The following NCAPH2 variants were observed in gnomAD, a reference collection of about 807,000 sequenced individuals.
NCAPH2 encodes non-SMC condensin II complex subunit H2.
NCAPH2 carries 56 observed loss-of-function variants against 88.6 expected under a neutral mutation model. The ratio of observed to expected loss-of-function variants is 0.63; its 90% CI spans 0.51 to 0.79. NCAPH2 has a LOEUF of 0.79. Ranked by LOEUF, NCAPH2 falls within the 30% of genes least tolerant of loss-of-function variation. The pLI is 0.00. For missense variants in NCAPH2, 794 were observed against 792.0 expected, an observed-to-expected ratio of 1.00 and a Z score of -0.03; for synonymous variants, 378 against 313.6, an observed-to-expected ratio of 1.21 and a Z score of -2.17.
At position 50,508,232 on chromosome 22, in the gene NCAPH2, C is replaced by T; in HGVS notation, c.-106C>T. 2 of 872,120 alleles carry T rather than the reference C, an allele frequency of 2.3e-6. No homozygotes were observed. Among genetic ancestry groups the T allele is most frequent in the East Asian group, 6.7e-5 (2 of 30,028 alleles). The allele number at this position is 872,120 out of a possible 1,614,324, so 54.0% of individuals were successfully genotyped here. A position where few individuals can be genotyped will look rare whatever the true frequency, so the allele number is the denominator to read the frequency against. On this transcript the variant is annotated 5_prime_UTR_variant, in exon 1 of 20. Transcript: ENST00000420993. ...CGCGACGCCGCGCCTACGCATTTTC[C>T]TGGGCGGGAACAGCAAAATGGCGCC...
rs2069203020 is a variant in NCAPH2 at position 50,523,914 on chromosome 22, A to G, written c.*539A>G. 4 of 1,613,634 alleles carry G rather than the reference A, an allele frequency of 2.5e-6. No homozygotes were observed. Among genetic ancestry groups the G allele is most frequent in the South Asian group, 1.1e-5 (1 of 91,082 alleles). On this transcript the variant is annotated 3_prime_UTR_variant, in exon 20 of 20. Transcript: ENST00000420993. ...CAACGTCGTCCCGCTCGGGGTCCAC[A>G]GTGATGAAGACAGGCTGCACTGGAG...
intron 9 of NCAPH2, chr22:50,519,755 C>T (rs2069033200): frequency 1.0e-6 from 1 of 1,004,544 alleles, no homozygotes; most frequent in Non-Finnish European, 1.2e-6. Flanking sequence ...CAACCTGATG[C>T]ATACAGAGGA....
At chr22:50,521,906 A>G (rs2069112343) in intron 12 of NCAPH2, 58 bp downstream of exon 12, 2 of 1,613,146 alleles carry the variant, frequency 1.2e-6, no homozygotes, top group Non-Finnish European at 8.5e-7. Flanking sequence ...GGCCAGGGCC[A>G]GTGGAGGAGG....
intron 8 of NCAPH2, 49 bp downstream of exon 8, chr22:50,518,781 AC>A (rs754930567): frequency 6.5e-7 from 1 of 1,534,288 alleles, no homozygotes; most frequent in Non-Finnish European, 8.8e-7. Context: ...CAAAGAGGGG[AC>A]CAGGGAGGCA....
At chr22:50,518,826 T>A in intron 8 of NCAPH2, 94 bp downstream of exon 8, 1 of 1,234,862 alleles carries the variant, frequency 8.1e-7, no homozygotes, top group Non-Finnish European at 1.1e-6. Flanking sequence ...GGGGCTGCTC[T>A]CAGCTGCCAG....
intron 1 of NCAPH2, among the ~76,000 whole-genome samples, chr22:50,509,736 T>C (rs1421600792): frequency 6.6e-6 from 1 of 152,158 alleles, no homozygotes; most frequent in Non-Finnish European, 1.5e-5. Context: ...CCTCAGTGGC[T>C]TTCCATTATG....
chr22:50,518,423 G>C, intron 7 of NCAPH2, 145 bp downstream of exon 7: 1 of 1,262,686 alleles, frequency 7.9e-7, no homozygotes, highest in Non-Finnish European at 1.1e-6. Flanking sequence ...AGGTTGGCTG[G>C]TGCTCATCCC....
In NCAPH2 at chr22:50,515,497, T is replaced by C. The variant is rs375718392; in HGVS notation, c.109-950T>C. 6.2e-3 allele frequency among the ~76,000 whole-genome samples: 937 copies of C among 152,134 alleles called. 9 individuals carry two copies. Among genetic ancestry groups the C allele is most frequent in the African/African-American group, 0.021 (872 of 41,514 alleles). On this transcript the variant is annotated intron_variant, in intron 1 of 19. Transcript: ENST00000420993. ...CTGCAAGCTCCGCCTCCCAGGTTCA[T>C]GCCATTCTCCTGCCTCAGCCTCCCG...
At chr22:50,515,921 AG>A (rs1260811249) in intron 1 of NCAPH2, 51 of 649,624 alleles carry the variant, frequency 7.9e-5, no homozygotes, top group Non-Finnish European at 1.1e-4. Flanking sequence ...CATGGGATGA[AG>A]GAATGTGCAT....
intron 1 of NCAPH2, among the ~76,000 whole-genome samples, chr22:50,510,156 C>T (rs1174172883): frequency 4.6e-5 from 7 of 152,134 alleles, no homozygotes; most frequent in Admixed American, 3.3e-4. Context: ...CTCCTGACCT[C>T]GTGATCCGCC....
At chr22:50,509,409 C>T (rs1012697317) in intron 1 of NCAPH2, among the ~76,000 whole-genome samples, 1 of 152,130 alleles carries the variant, frequency 6.6e-6, no homozygotes, top group African/African-American at 2.4e-5. Flanking sequence ...CCCAGCTTTT[C>T]CCATCTCGGA....
In NCAPH2 at chr22:50,522,703, C is replaced by G; in HGVS notation, c.1408C>G (p.Leu470Val). 1 of 1,613,544 alleles carries G rather than the reference C, an allele frequency of 6.2e-7. No homozygotes were observed. Among genetic ancestry groups the G allele is most frequent in the East Asian group, 2.2e-5 (1 of 44,872 alleles). Reference protein sequence around the residue: ...AVPMSLSYEELVRRNVELFIA... With the variant: ...AVPMSLSYEEVVRRNVELFIA... ...GCCGATGTCCCTGAGCTACGAGGAG[C>G]TGGTTCGAAGGAATGTGGTAGGCCT... The change falls in exon 17 of 20, where the codon CTG (leucine) becomes GTG (valine). Residue 470 changes from leucine to valine, a missense_variant. Around this residue, in one of 2 missense-constraint regions of NCAPH2, gnomAD observed 735 missense variants for 696.3 expected, o/e 1.06. Coordinates refer to ENST00000420993, the MANE Select transcript of NCAPH2 (RefSeq NM_152299.4).
Position 50,520,991 on chromosome 22 carries a change from G to T in NCAPH2, c.888G>T (p.Met296Ile). Residue 296 changes from methionine (M) to isoleucine (I), a missense_variant, in exon 10 of 20, where the codon ATG becomes ATT. This residue lies in a region of NCAPH2 where 735 missense variants were observed against 696.3 expected (regional missense o/e 1.06). Transcript: ENST00000420993. ...GTGCTGCCCTGCCCAGGAGGTACAT[G>T]CTGCGGGAGCGGGAGGGGGCCCCAG... ...QQSAALPRRY[M>I]LREREGAPEP... The T allele has an allele frequency of 6.4e-7, 1 of 1,551,164 alleles. No individual in the cohort carries two copies. Among genetic ancestry groups the T allele is most frequent in the Non-Finnish European group, 8.7e-7 (1 of 1,146,994 alleles).
Position 50,524,676 on chromosome 22 carries a change from C to G in NCAPH2, c.*1301C>G. 1.5e-6 allele frequency: 1 copy of G among 681,026 alleles called. No homozygotes were observed. Among genetic ancestry groups the G allele is most frequent in the Non-Finnish European group, 2.8e-6 (1 of 361,876 alleles). 42.2% of individuals were successfully genotyped at this position (681,026 alleles called of 1,614,324 possible). The stretch of plus-strand genomic sequence containing the variant: ...GTCACCGCACCCTGCCCTGCACCTG[C>G]ACCTCAGCAAGGTGAACCTCTTGCT... On this transcript the variant is annotated 3_prime_UTR_variant, in exon 20 of 20. Transcript: ENST00000420993.
Position 50,524,180 on chromosome 22 carries a change from G to C in NCAPH2, c.*805G>C, listed in dbSNP as rs149244312. The stretch of plus-strand genomic sequence containing the variant: ...TGCAGCCTCTCCTTCTCAGCCCTCA[G>C]GGCCAGCCAGGCCCCACCGAGTCCA... On this transcript the variant is annotated 3_prime_UTR_variant, in exon 20 of 20. Transcript: ENST00000420993. The C allele has an allele frequency of 1.2e-6, 2 of 1,609,370 alleles. No individual in the cohort carries two copies. Among genetic ancestry groups the C allele is most frequent in the African/African-American group, 2.7e-5 (2 of 74,926 alleles).
rs1260804426 is a variant in NCAPH2 at position 50,523,390 on chromosome 22, G to T, written c.*15G>T. 6.5e-7 allele frequency: 1 copy of T among 1,535,320 alleles called. No individual in the cohort carries two copies. Among genetic ancestry groups the T allele is most frequent in the Admixed American group, 2.0e-5 (1 of 50,556 alleles). ...CCCAGCCCTGAGTGGGGAGCACCGAGGCAGGGGTGGGGGAATGTGTACTGA... is the reference window on the plus strand; with the variant it reads ...CCCAGCCCTGAGTGGGGAGCACCGATGCAGGGGTGGGGGAATGTGTACTGA... On this transcript the variant is annotated 3_prime_UTR_variant, in exon 20 of 20. Coordinates refer to ENST00000420993, the MANE Select transcript of NCAPH2 (RefSeq NM_152299.4).
Position 50,522,247 on chromosome 22 carries a change from G to A in NCAPH2, c.1229G>A (p.Arg410Lys). Residue 410 changes from arginine to lysine, a missense_variant, in exon 14 of 20, where the codon AGG (arginine) becomes AAG (lysine). Physicochemically the swap from Arg to Lys is conservative, Grantham distance 26 (BLOSUM62 2). Around this residue, in one of 2 missense-constraint regions of NCAPH2, gnomAD observed 735 missense variants for 696.3 expected, o/e 1.06. Transcript: ENST00000420993. ...GAAACTCTCCGGAAGCTGCAGAGGAGGGAGGCAAGTCCCAGCTGGTCAGCT... is the reference window on the plus strand; with the variant it reads ...GAAACTCTCCGGAAGCTGCAGAGGAAGGAGGCAAGTCCCAGCTGGTCAGCT... ...QLETLRKLQR[R>K]EVAEQWLRPA... The A allele has an allele frequency of 6.2e-7, 1 of 1,613,714 alleles. No individual in the cohort carries two copies. Among genetic ancestry groups the A allele is most frequent in the Non-Finnish European group, 8.5e-7 (1 of 1,179,896 alleles).
intron 1 of NCAPH2, among the ~76,000 whole-genome samples, chr22:50,513,696 G>A (rs2068845441): frequency 1.3e-5 from 2 of 152,160 alleles, no homozygotes; most frequent in Admixed American, 6.6e-5. Context: ...TGGGAGGCAG[G>A]GGTTGCAGTG....
chr22:50,520,857 C>G (rs1462601138), intron 9 of NCAPH2, 108 bp from the exon 10 acceptor site: 5 of 1,308,814 alleles, frequency 3.8e-6, no homozygotes, highest in Non-Finnish European at 5.2e-6. Flanking sequence ...GCCACCACGC[C>G]CGACCCTTGT....
Sources: allele counts gnomAD v4.1 joint callset (sites outside exome capture counted in the v4.1 genomes callset), GRCh38; gene constraint gnomAD v4.1.1; regional missense constraint gnomAD v4.1.1; transcripts MANE v1.5; gene names NCBI Gene and HGNC (gene_info 2026-07-23, HGNC 2026-07-21).